PCCB: variants seen among roughly 807,000 people sequenced by gnomAD.
PCCB encodes propionyl-CoA carboxylase subunit beta, also known as propionyl-CoA carboxylase beta chain, mitochondrial.
PCCB carries 43 observed loss-of-function variants against 60.7 expected under a neutral mutation model. That is an observed-to-expected ratio of 0.71 (90% CI 0.55 to 0.91). The LOEUF (loss-of-function observed/expected upper bound fraction) is 0.91. PCCB is among the 40% of genes least tolerant of loss of function. PCCB has a pLI of 0.00. For missense variants in PCCB, 766 were observed against 702.8 expected, an observed-to-expected ratio of 1.09 and a Z score of -1.02; for synonymous variants, 276 against 255.9, an observed-to-expected ratio of 1.08 and a Z score of -0.75.
At chr3:136,323,430 A>G (rs747295154) in intron 10 of PCCB, among the ~76,000 whole-genome samples, 2 of 151,858 alleles carry the variant, frequency 1.3e-5, no homozygotes, top group Non-Finnish European at 2.9e-5. Context: ...ATTTTTCATT[A>G]TTTTCCTGAT....
intron 5 of PCCB, among the ~76,000 whole-genome samples, chr3:136,273,601 T>TTTTC (rs1942261544): frequency 7.4e-6 from 1 of 135,896 alleles, no homozygotes; most frequent in African/African-American, 3.0e-5. Context: ...TTTTTTCTTT[T>TTTTC]TTTTTTTTTT....
intron 9 of PCCB, among the ~76,000 whole-genome samples, chr3:136,315,727 C>T (rs1267742519): frequency 2.6e-5 from 4 of 150,978 alleles, no homozygotes; most frequent in Non-Finnish European, 4.4e-5. Context: ...ACTTGGGAGG[C>T]TGAGGTGAGA....
intron 3 of PCCB, among the ~76,000 whole-genome samples, chr3:136,257,156 G>A (rs1472070731): frequency 6.6e-6 from 1 of 152,182 alleles, no homozygotes; most frequent in Non-Finnish European, 1.5e-5. Flanking sequence ...TTAATCAGCT[G>A]GCCTTGCAAT....
intron 12 of PCCB, 77 bp from the exon 13 acceptor site, chr3:136,327,557 C>T: frequency 4.4e-6 from 5 of 1,123,838 alleles, no homozygotes; most frequent in Non-Finnish European, 6.8e-6. Flanking sequence ...CCCAATTTTA[C>T]CTGGTTTCCT....
Position 136,303,032 on chromosome 3 carries a change from TATG to T in PCCB, c.966+1924_966+1926del, listed in dbSNP as rs779023723. ...CCAGGTGTTTGAGGCTGTTCTGAGTTATGATCATTGCCACTGCACTCCATCCTG... is the reference window on the plus strand; with the variant it reads ...CCAGGTGTTTGAGGCTGTTCTGAGTTATCATTGCCACTGCACTCCATCCTG... On this transcript the variant is annotated intron_variant, in intron 9 of 14. Coordinates refer to ENST00000251654, the MANE Select transcript of PCCB (RefSeq NM_000532.5). Among the ~76,000 whole-genome samples the T allele has an allele frequency of 9.8e-5, 12 of 122,528 alleles. 2 individuals carry two copies. The highest frequency in any genetic ancestry group is 9.7e-4 in the Admixed American group (10 of 10,314). 80.4% of individuals were successfully genotyped at this position (122,528 alleles called of 152,430 possible).
At chr3:136,320,938 T>C (rs1365124707) in intron 10 of PCCB, among the ~76,000 whole-genome samples, 1 of 152,230 alleles carries the variant, frequency 6.6e-6, no homozygotes, top group Non-Finnish European at 1.5e-5. Flanking sequence ...TTCATTATTG[T>C]ATAATGTTAG....
intron 10 of PCCB, among the ~76,000 whole-genome samples, chr3:136,325,969 ACACCCGGCTAATTTTTG>A (rs1458355386): frequency 3.3e-5 from 5 of 151,856 alleles, no homozygotes; most frequent in African/African-American, 1.2e-4. Context: ...ACCCGCCACC[ACACCCGGCTAATTTTTG>A]TATTTTTAGT....
intron 5 of PCCB, among the ~76,000 whole-genome samples, chr3:136,274,985 GT>G (rs142070756): frequency 6.6e-6 from 1 of 151,522 alleles, no homozygotes; most frequent in Non-Finnish European, 1.5e-5. Context: ...TAATTTTTAT[GT>G]TTTTTTTGTA....
chr3:136,310,179 C>T (rs2108218260), intron 9 of PCCB, among the ~76,000 whole-genome samples: 1 of 152,078 alleles, frequency 6.6e-6, no homozygotes, highest in African/African-American at 2.4e-5. Context: ...GCCTGACTAA[C>T]ATGGAGAAAC....
intron 5 of PCCB, among the ~76,000 whole-genome samples, chr3:136,272,769 G>A (rs1279998457): frequency 6.6e-6 from 1 of 151,852 alleles, no homozygotes; most frequent in Non-Finnish European, 1.5e-5. Flanking sequence ...GACCAATTTT[G>A]TTTATTTTTT....
chr3:136,321,672 G>T (rs373060625), intron 10 of PCCB, among the ~76,000 whole-genome samples: 2 of 152,242 alleles, frequency 1.3e-5, no homozygotes, highest in East Asian at 3.9e-4. Context: ...CAACACATGG[G>T]GATTACAGCT....
chr3:136,292,815 TAG>T (rs1933760517), intron 6 of PCCB, among the ~76,000 whole-genome samples: 1 of 152,086 alleles, frequency 6.6e-6, no homozygotes, highest in Non-Finnish European at 1.5e-5. Flanking sequence ...GGTGTCTCTG[TAG>T]AGAGAAGAAA....
intron 4 of PCCB, 110 bp downstream of exon 4, chr3:136,260,645 G>A (rs958513825): frequency 2.2e-6 from 2 of 921,164 alleles, no homozygotes; most frequent in African/African-American, 1.6e-5. Flanking sequence ...GTAGGGCAGA[G>A]GTATGCAAGA....
intron 3 of PCCB, chr3:136,260,244 T>C: frequency 1.7e-6 from 1 of 576,230 alleles, no homozygotes; most frequent in Non-Finnish European, 3.1e-6. Flanking sequence ...CAGCTAACTT[T>C]TTTCTATATT....
intron 5 of PCCB, among the ~76,000 whole-genome samples, chr3:136,274,002 T>C (rs2108167929): frequency 6.6e-6 from 1 of 151,740 alleles, no homozygotes; most frequent in African/African-American, 2.4e-5. Flanking sequence ...CCCCTTTACC[T>C]TGAGGTTATA....
rs1267252113 is a variant in PCCB at position 136,250,527 on chromosome 3, G to A, written c.152G>A (p.Gly51Asp). The change falls in exon 1 of 15, where the codon GGC becomes GAC. Residue 51 changes from glycine to aspartate, a missense_variant. Transcript: ENST00000251654. ...CGCCGGACCGCGCTGCTGGGAGGGG[G>A]CCAACGCCGTATTGACGCGCAGCAC... ...NKRRTALLGG[G>D]QRRIDAQHKR... 3 of 1,612,652 alleles carry A rather than the reference G, an allele frequency of 1.9e-6. No individual in the cohort carries two copies. The highest frequency in any genetic ancestry group is 1.7e-6 in the Non-Finnish European group (2 of 1,179,716).
At chr3:136,300,942 G>C (rs1934248526) in intron 8 of PCCB, 88 bp from the exon 9 acceptor site, 1 of 918,250 alleles carries the variant, frequency 1.1e-6, no homozygotes, top group Non-Finnish European at 1.8e-6. Context: ...CCTATGACGT[G>C]TCACCCCATT....
intron 5 of PCCB, among the ~76,000 whole-genome samples, chr3:136,279,334 T>G (rs186271263): frequency 6.6e-6 from 1 of 152,344 alleles, no homozygotes; most frequent in East Asian, 1.9e-4. Context: ...TAGTTATTTC[T>G]GTATGTGTTT....
At chr3:136,290,966 C>G (rs1001217416) in intron 6 of PCCB, among the ~76,000 whole-genome samples, 6 of 151,794 alleles carry the variant, frequency 4.0e-5, no homozygotes, top group African/African-American at 1.5e-4. Context: ...CTCAGAGATT[C>G]TTTCCTCAAG....
Sources: gnomAD v4.1 joint callset for allele counts (sites outside exome capture counted in the v4.1 genomes callset) on GRCh38, gnomAD v4.1.1 for gene constraint, MANE v1.5 for transcripts, NCBI Gene and HGNC (gene_info 2026-07-23, HGNC 2026-07-21) for gene names.